CPNE4: variants seen among roughly 807,000 people sequenced by gnomAD.
CPNE4 encodes the protein copine 4, also known as copine-4.
Under a neutral mutation model 67.9 loss-of-function variants are expected in CPNE4, and 25 were observed. The observed-to-expected ratio is 0.37, with a 90% CI of 0.27 to 0.51. The LOEUF (loss-of-function observed/expected upper bound fraction) is 0.51, where lower values mean the gene tolerates loss of function less well. Ranked by LOEUF, CPNE4 falls within the 20% of genes least tolerant of loss-of-function variation. The pLI, the probability that CPNE4 is intolerant of heterozygous loss-of-function variation, is 0.93. For missense variants in CPNE4, 464 were observed against 690.8 expected (o/e 0.67, Z 3.68); for synonymous variants, 242 against 244.9 (o/e 0.99, Z 0.11).
chr3:131,952,135 C>A (rs994902663), intron 1 of CPNE4, among the ~76,000 whole-genome samples: 4 of 150,166 alleles, frequency 2.7e-5, no homozygotes, highest in Non-Finnish European at 5.9e-5. Context: ...TCTTCCCGGC[C>A]GCCATCACAT....
chr3:131,760,620 G>A (rs1231077231), intron 2 of CPNE4, among the ~76,000 whole-genome samples: 1 of 152,120 alleles, frequency 6.6e-6, no homozygotes, highest in African/African-American at 2.4e-5. Context: ...TTATGGTACA[G>A]GGTACACACC....
intron 1 of CPNE4, among the ~76,000 whole-genome samples, chr3:131,993,384 G>C (rs1365961270): frequency 1.7e-5 from 2 of 120,786 alleles, no homozygotes; most frequent in African/African-American, 2.7e-5. Flanking sequence ...AAAAGCAAAA[G>C]ATGATCATGG....
chr3:131,652,134 G>A (rs75583083), intron 7 of CPNE4, among the ~76,000 whole-genome samples: 7,118 of 152,296 alleles, frequency 0.047, 208 homozygotes, highest in Non-Finnish European at 0.066. Flanking sequence ...CGGCTGCTAA[G>A]TCTCAAATAC....
chr3:131,615,929 G>GCACACA (rs55641783), intron 7 of CPNE4, among the ~76,000 whole-genome samples: 28 of 78,104 alleles, frequency 3.6e-4, no homozygotes, highest in African/African-American at 2.3e-3. Context: ...ACACACACAC[G>GCACACA]CACACACACA....
intron 2 of CPNE4, among the ~76,000 whole-genome samples, chr3:131,860,924 A>G (rs1245560832): frequency 4.6e-5 from 7 of 152,200 alleles, no homozygotes; most frequent in Non-Finnish European, 1.0e-4. Context: ...ACTTCTGGAC[A>G]TCAGTGCAAA....
At chr3:131,633,595 A>G (rs1039717104) in intron 7 of CPNE4, among the ~76,000 whole-genome samples, 2 of 133,246 alleles carry the variant, frequency 1.5e-5, no homozygotes, top group Non-Finnish European at 3.0e-5. Flanking sequence ...ATAATTAATA[A>G]TAATGGAAAC....
At chr3:131,652,716 CT>C (rs1294454230) in intron 7 of CPNE4, among the ~76,000 whole-genome samples, 1 of 152,194 alleles carries the variant, frequency 6.6e-6, no homozygotes, top group Non-Finnish European at 1.5e-5. Flanking sequence ...CACACGCACA[CT>C]TGCCATATAT....
chr3:131,730,298 A>G (rs1257760883), intron 2 of CPNE4, among the ~76,000 whole-genome samples: 2 of 152,226 alleles, frequency 1.3e-5, no homozygotes, highest in Middle Eastern at 3.2e-3. Context: ...CATAAAAATA[A>G]TGGTTCATTT....
chr3:132,014,322 G>A (rs1196065289), intron 1 of CPNE4, among the ~76,000 whole-genome samples: 2 of 151,740 alleles, frequency 1.3e-5, no homozygotes, highest in Non-Finnish European at 2.9e-5. Flanking sequence ...TCCTCCCCCC[G>A]AATGCTCCTC....
At chr3:132,017,912 C>T (rs1266921525) in intron 1 of CPNE4, among the ~76,000 whole-genome samples, 2 of 152,200 alleles carry the variant, frequency 1.3e-5, no homozygotes, top group East Asian at 1.9e-4. Flanking sequence ...CTCATTGGCA[C>T]ACAGCCATGC....
chr3:131,951,998 T>A (rs934737903), intron 1 of CPNE4, among the ~76,000 whole-genome samples: 29 of 151,852 alleles, frequency 1.9e-4, no homozygotes, highest in African/African-American at 6.8e-4. Context: ...GTCTGGGAAG[T>A]GAGGAGCGTC....
intron 7 of CPNE4, among the ~76,000 whole-genome samples, chr3:131,662,515 T>C (rs1235182243): frequency 6.6e-6 from 1 of 152,134 alleles, no homozygotes; most frequent in Non-Finnish European, 1.5e-5. Context: ...GTGAGTCAGC[T>C]AGGTTTGGAG....
intron 2 of CPNE4, among the ~76,000 whole-genome samples, chr3:131,771,048 A>G (rs2083153385): frequency 6.6e-6 from 1 of 152,128 alleles, no homozygotes; most frequent in Non-Finnish European, 1.5e-5. Context: ...TTATAGTTTC[A>G]TATTTATATA....
At chr3:131,799,551 T>A (rs771724717) in intron 2 of CPNE4, among the ~76,000 whole-genome samples, 8 of 152,204 alleles carry the variant, frequency 5.3e-5, no homozygotes, top group Non-Finnish European at 1.0e-4. Context: ...CCCCAGTCTC[T>A]GAATTTAACT....
At chr3:131,723,660 G>A (rs768349581) in intron 2 of CPNE4, 35 bp from the exon 3 acceptor site, 3 of 1,563,562 alleles carry the variant, frequency 1.9e-6, no homozygotes, top group African/African-American at 2.7e-5. Flanking sequence ...TCAGAGATAA[G>A]GATTATTTTT....
intron 7 of CPNE4, among the ~76,000 whole-genome samples, chr3:131,598,849 ACCCCC>A (rs1037179246): frequency 3.6e-5 from 2 of 56,204 alleles, no homozygotes; most frequent in East Asian, 5.3e-4. Context: ...TTGTCCCCCC[ACCCCC>A]CCGCCAAAAA....
intron 2 of CPNE4, among the ~76,000 whole-genome samples, chr3:131,826,519 T>A (rs2107982994): frequency 6.6e-6 from 1 of 152,304 alleles, no homozygotes; most frequent in South Asian, 2.1e-4. Flanking sequence ...TTCTTAGTCA[T>A]CAGAATCCAA....
chr3:131,700,040 T>C (rs1050953081), intron 3 of CPNE4, 60 bp from the exon 4 acceptor site: 2 of 758,262 alleles, frequency 2.6e-6, no homozygotes, highest in Non-Finnish European at 4.2e-6. Flanking sequence ...TAACTGTAGA[T>C]CTATTTTTTA....
At chr3:131,953,021 G>A (rs1213983747) in intron 1 of CPNE4, among the ~76,000 whole-genome samples, 17 of 151,922 alleles carry the variant, frequency 1.1e-4, no homozygotes, top group African/African-American at 4.1e-4. Context: ...GATGTGCTTT[G>A]TTAAACAGAT....
Sources: gnomAD v4.1 joint callset for allele counts (sites outside exome capture counted in the v4.1 genomes callset) on GRCh38, gnomAD v4.1.1 for gene constraint, MANE v1.5 for transcripts, NCBI Gene and HGNC (gene_info 2026-07-23, HGNC 2026-07-21) for gene names.